SREBF1: variants seen among roughly 807,000 people sequenced by gnomAD.
SREBF1 encodes the protein sterol regulatory element binding transcription factor 1.
In SREBF1, 45 loss-of-function variants were observed where a neutral mutation model predicts 100.1. The ratio of observed to expected loss-of-function variants is 0.45; its 90% CI spans 0.35 to 0.58. SREBF1 has a LOEUF of 0.58. SREBF1 is among the 20% of genes least tolerant of loss of function. The probability of loss-of-function intolerance (pLI) is 0.00; values close to 1 mark genes in which losing one functional copy is unlikely to be tolerated. For missense variants in SREBF1, 1,324 were observed against 1,539.4 expected (o/e 0.86, Z 2.34); for synonymous variants, 657 against 681.8 (o/e 0.96, Z 0.57).
chr17:17,812,147 C>CAAAGT lies in SREBF1; in HGVS notation c.*470_*474dup. ...CTATGAAAATAAAGTTTGCAAAAGGCAAAGTAGCACAGGAGCCTCAGGTCA... is the reference window on the plus strand; with the variant it reads ...CTATGAAAATAAAGTTTGCAAAAGGCAAAGTAAAGTAGCACAGGAGCCTCAGGTCA... On this transcript the variant is annotated 3_prime_UTR_variant, in exon 19 of 19. Transcript: ENST00000261646. 2.3e-6 allele frequency: 1 copy of CAAAGT among 429,158 alleles called. No homozygotes were observed. The highest frequency in any genetic ancestry group is 4.5e-6 in the Non-Finnish European group (1 of 224,006). 26.6% of individuals were successfully genotyped at this position (429,158 alleles called of 1,614,324 possible).
chr17:17,816,682 C>T lies in SREBF1; in HGVS notation c.1822G>A (p.Ala608Thr). 1.3e-6 allele frequency: 2 copies of T among 1,584,038 alleles called. No homozygotes were observed. The highest frequency in any genetic ancestry group is 1.1e-5 in the South Asian group (1 of 87,580). ...AGGGGCCGGCCCAGTGCCCGCAGGG[C>T]CAGCCACAGCTGCTGGGCAGCCTGG... ...FAQAAQQLWLALRALGRPLPT... is the reference protein window; with the variant it reads ...FAQAAQQLWLTLRALGRPLPT... The change falls in exon 10 of 19, where the codon GCC becomes ACC. Residue 608 changes from alanine (A) to threonine (T), a missense_variant. Transcript: ENST00000261646.
chr17:17,812,708 C>T lies in SREBF1; in HGVS notation c.3358G>A (p.Glu1120Lys), dbSNP rs1474405990. ...AGCAGCCGGCGATCGCCAAGCTTCT[C>T]GAGTGTGCGCGCCGCCTCAGCCAGC... ...GMLAEAARTL[E>K]KLGDRRLLHD... Residue 1120 changes from glutamate to lysine, a missense_variant, in exon 19 of 19, where the codon GAG becomes AAG. Transcript: ENST00000261646. 6.3e-7 allele frequency: 1 copy of T among 1,598,850 alleles called. No homozygotes were observed. The highest frequency in any genetic ancestry group is 8.5e-7 in the Non-Finnish European group (1 of 1,173,108).
intron 1 of SREBF1, among the ~76,000 whole-genome samples, chr17:17,831,624 T>A (rs1373294709): frequency 6.6e-6 from 1 of 152,120 alleles, no homozygotes; most frequent in African/African-American, 2.4e-5. Context: ...TTGGATAAAT[T>A]AATCCTCAGC....
rs1346549481 is a variant in SREBF1 at position 17,819,524 on chromosome 17, C to A, written c.711+14G>T. The A allele has an allele frequency of 6.2e-7, 1 of 1,613,418 alleles. No individual in the cohort carries two copies. The highest frequency in any genetic ancestry group is 8.5e-7 in the Non-Finnish European group (1 of 1,180,004). ...GGGCTGCCCCCTCCCCAACCCCTGGCCAGACCCCCTCACCGGGACCTGCTG... is the reference window on the plus strand; with the variant it reads ...GGGCTGCCCCCTCCCCAACCCCTGGACAGACCCCCTCACCGGGACCTGCTG... On this transcript the variant is annotated intron_variant, in intron 3 of 18. Coordinates refer to ENST00000261646, the MANE Select transcript of SREBF1 (RefSeq NM_004176.5).
rs1302011583 is a variant in SREBF1, at chr17:17,813,792, G to GT, written c.2902-24_2902-23insA. 1.0e-5 allele frequency: 16 copies of GT among 1,534,900 alleles called. 1 individual carries two copies. The Admixed American group carries it at 3.1e-4, about 30-fold the overall frequency. ...GGCCTGGGGGTGGCAGGCAGGGCAG[G>GT]GGTCACCAGGGCTCCAGCTCTGGGA... On this transcript the variant is annotated intron_variant, in intron 16 of 18. Coordinates refer to ENST00000261646, the MANE Select transcript of SREBF1 (RefSeq NM_004176.5).
At chr17:17,823,987 G>A (rs12945414) in intron 1 of SREBF1, among the ~76,000 whole-genome samples, 8 of 152,184 alleles carry the variant, frequency 5.3e-5, no homozygotes, top group Non-Finnish European at 1.0e-4. Flanking sequence ...TCAAAGCAGA[G>A]AAGTCCTGGC....
At position 17,820,209 on chromosome 17, in the gene SREBF1, G is replaced by T; in HGVS notation, c.404C>A (p.Pro135His). ...ESVPLSILQT[P>H]TPQPLPGALL... ...GGCCCCTGGCAGGGGCTGTGGGGTG[G>T]GGGTCTGCAGGATGCTCAGTGGCAC... is the stretch of plus-strand genomic sequence containing the variant. The change falls in exon 2 of 19, where the codon CCC becomes CAC. Residue 135 changes from proline (P) to histidine (H), a missense_variant. Coordinates refer to ENST00000261646, the MANE Select transcript of SREBF1 (RefSeq NM_004176.5). 5.0e-6 allele frequency: 8 copies of T among 1,613,504 alleles called. No homozygotes were observed. Among genetic ancestry groups the T allele is most frequent in the Non-Finnish European group, 6.8e-6 (8 of 1,179,898 alleles).
At chr17:17,826,477 C>T (rs937551156) in intron 1 of SREBF1, among the ~76,000 whole-genome samples, 2 of 152,126 alleles carry the variant, frequency 1.3e-5, no homozygotes, top group African/African-American at 4.8e-5. Flanking sequence ...CCGGGCTTCC[C>T]TATGAACACT....
chr17:17,813,537 C>G (rs775467840), intron 17 of SREBF1, 32 bp downstream of exon 17: 2 of 1,591,898 alleles, frequency 1.3e-6, no homozygotes, highest in East Asian at 4.6e-5. Flanking sequence ...GCCTGACTCC[C>G]CGTCTTGAGG....
At position 17,812,074 on chromosome 17, in the gene SREBF1, A is replaced by G. The variant is rs1737961; in HGVS notation, c.*548T>C. On this transcript the variant is annotated 3_prime_UTR_variant, in exon 19 of 19. Transcript: ENST00000261646. ...TCCATCAGCTGAAGACACAAAACCCAGATTATAAATAATTTCATTTTTAAT... is the reference window on the plus strand; with the variant it reads ...TCCATCAGCTGAAGACACAAAACCCGGATTATAAATAATTTCATTTTTAAT... 5 of 434,644 alleles carry G rather than the reference A, an allele frequency of 1.2e-5. No homozygotes were observed. The highest frequency in any genetic ancestry group is 1.0e-4 in the African/African-American group (5 of 48,348). The allele number at this position is 434,644 out of a possible 1,614,324, so 26.9% of individuals were successfully genotyped here.
rs1216716670 is a variant in SREBF1 at position 17,819,588 on chromosome 17, T to C, written c.661A>G (p.Thr221Ala). ...ACAGTGGTCGTTACAGGGGCTGCCG[T>C]GGGGGCAGCTGTGACTGTCAGTAGC... ...QQLLTVTAAP[T>A]AAPVTTTVTS... Residue 221 changes from threonine to alanine, a missense_variant, in exon 3 of 19, where the codon ACG becomes GCG. Thr to Ala is a moderately conservative substitution (Grantham distance 58, BLOSUM62 0). Transcript: ENST00000261646. 1.7e-5 allele frequency: 28 copies of C among 1,613,564 alleles called. No homozygotes were observed. Among genetic ancestry groups the C allele is most frequent in the Non-Finnish European group, 2.4e-5 (28 of 1,179,904 alleles).
chr17:17,827,703 C>T (rs923393700), intron 1 of SREBF1, among the ~76,000 whole-genome samples: 4 of 152,242 alleles, frequency 2.6e-5, no homozygotes, highest in South Asian at 2.1e-4. Flanking sequence ...ACGGAGGCCT[C>T]GTGCCCAAAG....
chr17:17,812,929 A>C lies in SREBF1; in HGVS notation c.3215-78T>G, dbSNP rs2033071973. ...CGGGAGCCCTGCCCACACACAAGCC[A>C]CGGCACCAGCCGCCTGTACCTGGCA... On this transcript the variant is annotated intron_variant, in intron 18 of 18. Coordinates refer to ENST00000261646, the MANE Select transcript of SREBF1 (RefSeq NM_004176.5). 4 of 1,335,206 alleles carry C rather than the reference A, an allele frequency of 3.0e-6. No homozygotes were observed. In the East Asian group the frequency reaches 1.0e-4, roughly 34 times the overall value. 82.7% of individuals were successfully genotyped at this position (1,335,206 alleles called of 1,614,324 possible).
At chr17:17,832,599 T>C (rs927866104) in intron 1 of SREBF1, among the ~76,000 whole-genome samples, 1 of 152,176 alleles carries the variant, frequency 6.6e-6, no homozygotes, top group Non-Finnish European at 1.5e-5. Context: ...AACCTCATCC[T>C]AGGAACACAG....
chr17:17,812,819 G>C lies in SREBF1; in HGVS notation c.3247C>G (p.Arg1083Gly). 6.7e-7 allele frequency: 1 copy of C among 1,481,728 alleles called. No individual in the cohort carries two copies. The highest frequency in any genetic ancestry group is 8.9e-7 in the Non-Finnish European group (1 of 1,122,258). The allele number at this position is 1,481,728 out of a possible 1,614,324, so 91.8% of individuals were successfully genotyped here. A position where few individuals can be genotyped will look rare whatever the true frequency, so the allele number is the denominator to read the frequency against. The change falls in exon 19 of 19, where the codon CGG (arginine) becomes GGG (glycine). Residue 1083 changes from arginine to glycine, a missense_variant. By Grantham distance (125) the Arg-to-Gly change is moderately radical. Transcript: ENST00000261646. ...AGCAAGGCCTCCGCGTGCTCCCGCC[G>C]CGTGGGCCGCGGCTCCAGCTCCGCC... is the stretch of plus-strand genomic sequence containing the variant. ...AVAELEPRPT[R>G]REHAEALLLA...
At chr17:17,826,096 C>A (rs77452677) in intron 1 of SREBF1, among the ~76,000 whole-genome samples, 2,024 of 152,318 alleles carry the variant, frequency 0.013, 43 homozygotes, top group African/African-American at 0.046. Flanking sequence ...TGAGCTCCCA[C>A]ACCTACGATC....
At position 17,815,473 on chromosome 17, in the gene SREBF1, G is replaced by A. The variant is rs545110414; in HGVS notation, c.2384-144C>T. ...GCCCCTGGGTGCAGCCCCTGCCAAGGACAGGGGAAAGCGGGTGGACATAAC... is the reference window on the plus strand; with the variant it reads ...GCCCCTGGGTGCAGCCCCTGCCAAGAACAGGGGAAAGCGGGTGGACATAAC... On this transcript the variant is annotated intron_variant, in intron 12 of 18. Transcript: ENST00000261646. The A allele has an allele frequency of 1.2e-5, 8 of 673,708 alleles. No homozygotes were observed. The South Asian group carries it at 1.4e-4, about 12-fold the overall frequency. The allele number at this position is 673,708 out of a possible 1,614,324, so 41.7% of individuals were successfully genotyped here.
chr17:17,817,569 G>T lies in SREBF1; in HGVS notation c.1405-112C>A. On this transcript the variant is annotated intron_variant, in intron 7 of 18. Transcript: ENST00000261646. This position sits in a 1 kb window ranked among gnomAD's most constrained non-coding sequence, Gnocchi z 6.6. ...CCACCTTACTGTGGGACCCCACGTGGCTCCAGGCCTCAGTTATTCTGTCTA... is the reference window on the plus strand; with the variant it reads ...CCACCTTACTGTGGGACCCCACGTGTCTCCAGGCCTCAGTTATTCTGTCTA... The T allele has an allele frequency of 6.6e-7, 1 of 1,521,850 alleles. No individual in the cohort carries two copies. The highest frequency in any genetic ancestry group is 9.0e-7 in the Non-Finnish European group (1 of 1,116,698). 94.3% of individuals were successfully genotyped at this position (1,521,850 alleles called of 1,614,324 possible).
At chr17:17,830,041 C>T (rs2034762109) in intron 1 of SREBF1, among the ~76,000 whole-genome samples, 1 of 152,272 alleles carries the variant, frequency 6.6e-6, no homozygotes, top group Non-Finnish European at 1.5e-5. Context: ...TCACCAACTC[C>T]AGACCACCAC....
Sources: allele counts gnomAD v4.1 joint callset (sites outside exome capture counted in the v4.1 genomes callset), GRCh38; gene constraint gnomAD v4.1.1; non-coding constraint Gnocchi (gnomAD v3.1); transcripts MANE v1.5; gene names NCBI Gene and HGNC (gene_info 2026-07-23, HGNC 2026-07-21).